ZNF383: variants seen among roughly 807,000 people sequenced by gnomAD.
ZNF383 encodes zinc finger protein 383.
ZNF383 carries 32 observed loss-of-function variants against 44.2 expected under a neutral mutation model. The ratio of observed to expected loss-of-function variants is 0.72; its 90% CI spans 0.55 to 0.97. ZNF383 has a LOEUF of 0.97. Ranked by LOEUF, ZNF383 falls within the 50% of genes least tolerant of loss-of-function variation. ZNF383 has a pLI of 0.00. For missense variants in ZNF383, 487 were observed against 562.5 expected (o/e 0.87, Z 1.36); for synonymous variants, 155 against 186.2 (o/e 0.83, Z 1.36).
At chr19:37,230,566 C>A in intron 3 of ZNF383, 104 bp downstream of exon 3, 1 of 1,288,038 alleles carries the variant, frequency 7.8e-7, no homozygotes, top group Non-Finnish European at 1.1e-6. Context: ...TAACAGAGTT[C>A]CCCTTCAGAA....
In ZNF383 at chr19:37,246,163, A is replaced by C. The variant is rs10418729; in HGVS notation, c.*2499A>C. On this transcript the variant is annotated 3_prime_UTR_variant, in exon 6 of 6. Transcript: ENST00000684119. ...GGCTGTATGTATTGGATTGCTGTGA[A>C]GAGTCAATGAATTAATAAATGCAAA... 33,073 of 152,100 alleles carry C rather than the reference A, an allele frequency of 0.22. 3,833 individuals are homozygous for C. The highest frequency in any genetic ancestry group is 0.32 in the South Asian group (1,520 of 4,810). The allele number at this position is 152,100 out of a possible 1,614,324, so 9.4% of individuals were successfully genotyped here.
At chr19:37,222,030 T>G (rs1972949870) in intron 1 of ZNF383, among the ~76,000 whole-genome samples, 1 of 151,632 alleles carries the variant, frequency 6.6e-6, no homozygotes, top group Non-Finnish European at 1.5e-5. Context: ...AAAACATAAC[T>G]GGCATTACAG....
intron 5 of ZNF383, among the ~76,000 whole-genome samples, chr19:37,240,880 C>T (rs760073888): frequency 6.6e-6 from 1 of 152,186 alleles, no homozygotes; most frequent in Non-Finnish European, 1.5e-5. Flanking sequence ...GATCTCAGCT[C>T]ACGGCAGCCT....
At chr19:37,232,495 A>T (rs941069990) in intron 3 of ZNF383, among the ~76,000 whole-genome samples, 2 of 152,200 alleles carry the variant, frequency 1.3e-5, no homozygotes, top group African/African-American at 2.4e-5. Flanking sequence ...AAAAAATAAA[A>T]AAATAAGGTC....
intron 1 of ZNF383, among the ~76,000 whole-genome samples, chr19:37,221,970 A>G (rs1238752635): frequency 1.3e-5 from 2 of 151,256 alleles, no homozygotes; most frequent in Non-Finnish European, 2.9e-5. Context: ...AAAAAAAAAA[A>G]AAAGAAAAAG....
chr19:37,227,110 C>CCTTT (rs745370259), intron 2 of ZNF383, among the ~76,000 whole-genome samples: 2 of 92,022 alleles, frequency 2.2e-5, no homozygotes. Context: ...CCCAGCCAGG[C>CCTTT]TTTTTTTTTT....
intron 2 of ZNF383, among the ~76,000 whole-genome samples, chr19:37,230,194 A>C (rs951527339): frequency 6.6e-6 from 1 of 152,152 alleles, no homozygotes; most frequent in Non-Finnish European, 1.5e-5. Flanking sequence ...GGTTGTTTGC[A>C]TGAGGGAGAA....
intron 5 of ZNF383, among the ~76,000 whole-genome samples, chr19:37,240,108 G>A (rs950835357): frequency 8.7e-5 from 13 of 149,920 alleles, no homozygotes; most frequent in African/African-American, 2.7e-4. Flanking sequence ...GCAGTGAGCC[G>A]AGATCACACC....
chr19:37,235,505 C>T, intron 3 of ZNF383, 44 bp from the exon 4 acceptor site: 1 of 1,609,014 alleles, frequency 6.2e-7, no homozygotes, highest in Non-Finnish European at 8.5e-7. Context: ...GTCTCTGATA[C>T]ATTTTTTTAA....
rs1344461848 is a variant in ZNF383, at chr19:37,244,936, CAT to C, written c.*1275_*1276del. On this transcript the variant is annotated 3_prime_UTR_variant, in exon 6 of 6. Transcript: ENST00000684119. Reference sequence around the variant, plus strand: ...ATATAGATTTTTATTATTTTCATGACATATTTAATGACTTTAAAATGACTATT... The same window carrying C: ...ATATAGATTTTTATTATTTTCATGACATTTAATGACTTTAAAATGACTATT... 6.6e-6 allele frequency: 1 copy of C among 152,146 alleles called. No individual in the cohort carries two copies. Among genetic ancestry groups the C allele is most frequent in the Non-Finnish European group, 1.5e-5 (1 of 68,028 alleles). The allele number at this position is 152,146 out of a possible 1,614,324, so 9.4% of individuals were successfully genotyped here.
At chr19:37,238,255 A>G (rs185427487) in intron 5 of ZNF383, among the ~76,000 whole-genome samples, 1 of 152,098 alleles carries the variant, frequency 6.6e-6, no homozygotes, top group Admixed American at 6.6e-5. Context: ...TGTCAAGTAT[A>G]TATGTATAAA....
intron 4 of ZNF383, 51 bp from the exon 5 acceptor site, chr19:37,235,928 A>T: frequency 6.7e-7 from 1 of 1,485,444 alleles, no homozygotes; most frequent in Non-Finnish European, 9.2e-7. Context: ...AAGGGACTGG[A>T]TCTCCTTTAC....
At chr19:37,228,663 T>C (rs1402652283) in intron 2 of ZNF383, among the ~76,000 whole-genome samples, 1 of 152,058 alleles carries the variant, frequency 6.6e-6, no homozygotes, top group Non-Finnish European at 1.5e-5. Flanking sequence ...TCTTGGGATA[T>C]TGTGTGAGGC....
chr19:37,237,361 A>G (rs1419894478), intron 5 of ZNF383, among the ~76,000 whole-genome samples: 2 of 152,194 alleles, frequency 1.3e-5, no homozygotes, highest in Non-Finnish European at 2.9e-5. Context: ...GTATAGAGAT[A>G]TTGTTGGGGC....
chr19:37,243,436 G>C lies in ZNF383; in HGVS notation c.1200G>C (p.Gly400=). ...AACCCTTTGAATGTCTTGAATGTGG[G>C]AAGGCCTTTACTCAGAACTCACAAC... ...GEKPFECLEC[G]KAFTQNSQLF... The change falls in exon 6 of 6, where the codon GGG becomes GGC. Residue 400 remains glycine (G), a synonymous_variant. Coordinates refer to ENST00000684119, the MANE Select transcript of ZNF383 (RefSeq NM_001387601.1). 1 of 1,614,114 alleles carries C rather than the reference G, an allele frequency of 6.2e-7. No individual in the cohort carries two copies. Among genetic ancestry groups the C allele is most frequent in the Non-Finnish European group, 8.5e-7 (1 of 1,180,008 alleles).
At chr19:37,236,986 CACACACACAGAG>C (rs1020703426) in intron 5 of ZNF383, among the ~76,000 whole-genome samples, 1 of 142,856 alleles carries the variant, frequency 7.0e-6, no homozygotes, top group African/African-American at 2.6e-5. Flanking sequence ...CACACACACA[CACACACACAGAG>C]ACACACACAC....
intron 4 of ZNF383, 84 bp downstream of exon 4, chr19:37,235,759 G>C (rs1973760365): frequency 6.9e-7 from 1 of 1,446,874 alleles, no homozygotes; most frequent in Admixed American, 2.3e-5. Context: ...TGCTTTTCAG[G>C]TTACTAGCTG....
intron 5 of ZNF383, among the ~76,000 whole-genome samples, chr19:37,237,965 T>A (rs185990572): frequency 2.6e-3 from 387 of 151,310 alleles, no homozygotes; most frequent in African/African-American, 9.1e-3. Flanking sequence ...CGGGCTCAGG[T>A]GATCCTCCCA....
rs568132668 is a variant in ZNF383 at position 37,229,237 on chromosome 19, C to T, written c.-45-1172C>T. ...TGGCGTGATCTCGGCTCATTGCAGT[C>T]TCCACCTCCTGGGTTCAAGTGATTC... On this transcript the variant is annotated intron_variant, in intron 2 of 5. Coordinates refer to ENST00000684119, the MANE Select transcript of ZNF383 (RefSeq NM_001387601.1). 2.1e-4 allele frequency among the ~76,000 whole-genome samples: 30 copies of T among 145,778 alleles called. 1 individual carries two copies. In the South Asian group the frequency reaches 6.5e-3, roughly 31 times the overall value.
Sources: allele counts gnomAD v4.1 joint callset (sites outside exome capture counted in the v4.1 genomes callset), GRCh38; gene constraint gnomAD v4.1.1; transcripts MANE v1.5; gene names NCBI Gene and HGNC (gene_info 2026-07-23, HGNC 2026-07-21).